The following C6 variants were observed in gnomAD, a reference collection of about 807,000 sequenced individuals.
C6 encodes the protein complement component C6.
A neutral mutation model predicts 112.9 loss-of-function variants in C6; 101 were observed. The ratio of observed to expected loss-of-function variants is 0.89; its 90% CI spans 0.76 to 1.06. The LOEUF (loss-of-function observed/expected upper bound fraction) is 1.06. C6 is among the 50% of genes least tolerant of loss of function. The pLI is 0.00. For synonymous variants in C6, 431 were observed against 384.1 expected (o/e 1.12, Z -1.43); for missense variants, 1,202 against 1,104.6 (o/e 1.09, Z -1.25).
intron 11 of C6, 154 bp from the exon 12 acceptor site, chr5:41,159,407 C>CA: frequency 2.0e-6 from 2 of 978,750 alleles, no homozygotes; most frequent in Non-Finnish European, 2.4e-6. Flanking sequence ...ATTACCTGTG[C>CA]AAGGGGCCTG....
intron 1 of C6, among the ~76,000 whole-genome samples, chr5:41,253,476 C>T (rs998923909): frequency 3.9e-5 from 6 of 152,214 alleles, no homozygotes; most frequent in African/African-American, 1.4e-4. Flanking sequence ...GTTTTCTTAA[C>T]TCTGGGAGAC....
In C6 at chr5:41,153,836, A is replaced by T; in HGVS notation, c.2264T>A (p.Ile755Asn). 1 of 1,613,296 alleles carries T rather than the reference A, an allele frequency of 6.2e-7. No individual in the cohort carries two copies. Among genetic ancestry groups the T allele is most frequent in the Admixed American group, 1.7e-5 (1 of 59,960 alleles). Residue 755 changes from isoleucine to asparagine, a missense_variant, in exon 15 of 18, where the codon ATT (isoleucine) becomes AAT (asparagine). By Grantham distance (149) the Ile-to-Asn change is moderately radical. Transcript: ENST00000337836. ...TCQGNSWTPPISNSLTCEKDT... is the reference protein window; with the variant it reads ...TCQGNSWTPPNSNSLTCEKDT... ...TTTTTCACAGGTGAGAGAGTTTGAA[A>T]TGGGTGGTGTCCAGGAATTCCCCTG...
chr5:41,207,706 A>G (rs771506018), intron 1 of C6, among the ~76,000 whole-genome samples: 5 of 152,238 alleles, frequency 3.3e-5, no homozygotes, highest in Non-Finnish European at 7.3e-5. Flanking sequence ...CACCCAATAT[A>G]GGAGCACTCA....
In C6 at chr5:41,146,529, A is replaced by T. The variant is rs116106491; in HGVS notation, c.2623+2712T>A. Among the ~76,000 whole-genome samples, 937 of 152,294 alleles carry T rather than the reference A, an allele frequency of 6.2e-3. 7 individuals are homozygous for T. Among genetic ancestry groups the T allele is most frequent in the African/African-American group, 0.022 (897 of 41,560 alleles). On this transcript the variant is annotated intron_variant, in intron 17 of 17. Transcript: ENST00000337836. Reference sequence around the variant, plus strand: ...ATATTGATACTTTTCTATAGTGCTAATCCAAACAGAACCCTCTGTGACATT... The same window carrying T: ...ATATTGATACTTTTCTATAGTGCTATTCCAAACAGAACCCTCTGTGACATT...
chr5:41,201,152 C>A (rs1168842761), intron 3 of C6, among the ~76,000 whole-genome samples: 1 of 151,900 alleles, frequency 6.6e-6, no homozygotes, highest in South Asian at 2.1e-4. Flanking sequence ...TGTCCCATCC[C>A]CAAGCTACTA....
intron 1 of C6, among the ~76,000 whole-genome samples, chr5:41,256,253 G>A (rs1433093757): frequency 3.3e-5 from 5 of 151,852 alleles, no homozygotes; most frequent in East Asian, 1.9e-4. Context: ...AAACATACGT[G>A]TGCATGTGTC....
intron 1 of C6, among the ~76,000 whole-genome samples, chr5:41,247,577 G>A (rs1018266386): frequency 6.6e-6 from 1 of 151,984 alleles, no homozygotes; most frequent in African/African-American, 2.4e-5. Flanking sequence ...AATTAGCTGG[G>A]CATTGTGGCG....
At chr5:41,257,385 T>C (rs1459631409) in intron 1 of C6, among the ~76,000 whole-genome samples, 4 of 152,184 alleles carry the variant, frequency 2.6e-5, no homozygotes, top group Admixed American at 2.6e-4. Context: ...CTTTCCGTGG[T>C]ATATGTATAC....
intron 1 of C6, among the ~76,000 whole-genome samples, chr5:41,258,425 C>T (rs1580266485): frequency 6.6e-6 from 1 of 152,070 alleles, no homozygotes; most frequent in East Asian, 1.9e-4. Flanking sequence ...TATGAGACAA[C>T]CACATTTAAA....
At chr5:41,256,049 G>A (rs549764815) in intron 1 of C6, among the ~76,000 whole-genome samples, 1 of 152,262 alleles carries the variant, frequency 6.6e-6, no homozygotes, top group African/African-American at 2.4e-5. Flanking sequence ...AAGAGTCTTA[G>A]ATTCTTGCGA....
chr5:41,178,519 A>G (rs1487666942), intron 7 of C6, among the ~76,000 whole-genome samples: 1 of 120,810 alleles, frequency 8.3e-6, no homozygotes, highest in Non-Finnish European at 1.6e-5. Context: ...TCTGTCACCC[A>G]GGCTGGAGTG....
rs748540513 is a variant in C6 at position 41,176,632 on chromosome 5, G to A, written c.1011C>T (p.Val337=). Residue 337 remains valine (V), a synonymous_variant, in exon 8 of 18, where the codon GTC becomes GTT. Coordinates refer to ENST00000337836, the MANE Select transcript of C6 (RefSeq NM_000065.5). ...TKAKDLHLSD[V]FLKALNHLPL... Reference sequence around the variant, plus strand: ...GCAGATGGTTAAGTGCTTTCAAAAAGACATCAGAAAGGTGCAGATCTTTAG... The same window carrying A: ...GCAGATGGTTAAGTGCTTTCAAAAAAACATCAGAAAGGTGCAGATCTTTAG... The A allele has an allele frequency of 5.0e-6, 8 of 1,613,888 alleles. No individual in the cohort carries two copies. The South Asian group carries it at 5.5e-5, about 11-fold the overall frequency.
At chr5:41,198,658 T>A (rs1750787432) in intron 4 of C6, among the ~76,000 whole-genome samples, 1 of 152,184 alleles carries the variant, frequency 6.6e-6, no homozygotes. Context: ...CTAAAATTGT[T>A]CATTATAAAT....
intron 1 of C6, among the ~76,000 whole-genome samples, chr5:41,258,841 A>G (rs1234824545): frequency 1.3e-5 from 2 of 152,176 alleles, no homozygotes; most frequent in Non-Finnish European, 1.5e-5. Context: ...GAAATGCCAG[A>G]CACTTATAGA....
chr5:41,227,450 A>C (rs1187392735), intron 1 of C6, among the ~76,000 whole-genome samples: 4 of 152,056 alleles, frequency 2.6e-5, no homozygotes, highest in Admixed American at 1.3e-4. Context: ...CAGGAGATTT[A>C]TAGTTGGATG....
At chr5:41,203,582 C>G in intron 1 of C6, 16 of 269,526 alleles carry the variant, frequency 5.9e-5, no homozygotes, top group South Asian at 2.0e-4. Context: ...TCTTACCCTT[C>G]TCAAAACACC....
chr5:41,153,033 C>G (rs1372220830), intron 15 of C6: 1 of 152,274 alleles, frequency 6.6e-6, no homozygotes, highest in Non-Finnish European at 1.5e-5. Context: ...GGGAGGTGTC[C>G]AGGTCTGGGA....
intron 1 of C6, among the ~76,000 whole-genome samples, chr5:41,208,585 A>C (rs891638174): frequency 6.6e-6 from 1 of 152,226 alleles, no homozygotes; most frequent in Non-Finnish European, 1.5e-5. Context: ...AGAAAATACT[A>C]TAAACACCTC....
intron 4 of C6, among the ~76,000 whole-genome samples, chr5:41,197,728 T>C (rs1448590908): frequency 2.6e-5 from 4 of 152,066 alleles, no homozygotes; most frequent in Non-Finnish European, 4.4e-5. Flanking sequence ...GGATACCTCT[T>C]GAGGGATGTT....
Sources: allele counts gnomAD v4.1 joint callset (sites outside exome capture counted in the v4.1 genomes callset), GRCh38; gene constraint gnomAD v4.1.1; transcripts MANE v1.5; gene names NCBI Gene and HGNC (gene_info 2026-07-23, HGNC 2026-07-21).